PARP1: variants seen among roughly 807,000 people sequenced by gnomAD.
PARP1 encodes poly [ADP-ribose] polymerase 1.
In PARP1, 44 loss-of-function variants were observed where a neutral mutation model predicts 118.7. That is an observed-to-expected ratio of 0.37 (90% CI 0.29 to 0.48). The LOEUF (loss-of-function observed/expected upper bound fraction) is 0.48. Ranked by LOEUF, PARP1 falls within the 20% of genes least tolerant of loss-of-function variation. The pLI, the probability that PARP1 is intolerant of heterozygous loss-of-function variation, is 0.99. For synonymous variants in PARP1, 492 were observed against 483.2 expected (o/e 1.02, Z -0.24); for missense variants, 1,100 against 1,272.4 (o/e 0.86, Z 2.06).
At chr1:226,406,116 T>C (rs1665141518) in intron 1 of PARP1, among the ~76,000 whole-genome samples, 1 of 152,170 alleles carries the variant, frequency 6.6e-6, no homozygotes, top group Non-Finnish European at 1.5e-5. Context: ...GAGTAAATTA[T>C]ATTTTGAAAA....
intron 9 of PARP1, among the ~76,000 whole-genome samples, chr1:226,380,488 T>A (rs1012963192): frequency 2.0e-5 from 3 of 152,222 alleles, no homozygotes; most frequent in Non-Finnish European, 4.4e-5. Context: ...ACAGTGGTAA[T>A]CAGCATAATA....
At chr1:226,394,144 T>A (rs1576401198) in intron 2 of PARP1, among the ~76,000 whole-genome samples, 1 of 151,404 alleles carries the variant, frequency 6.6e-6, no homozygotes, top group Admixed American at 6.6e-5. Context: ...AGCCCAGGAG[T>A]TCAAGACCAG....
In PARP1 at chr1:226,381,171, C is replaced by A. The variant is rs1490848576; in HGVS notation, c.1197G>T (p.Gly399=). 1 of 1,614,030 alleles carries A rather than the reference C, an allele frequency of 6.2e-7. No homozygotes were observed. The highest frequency in any genetic ancestry group is 8.5e-7 in the Non-Finnish European group (1 of 1,180,018). ...CTTCATCCTTGTTCCGGGACAGCTT[C>A]CCGAGAGTCAGGATCTTCATGTTGG... ...PLSNMKILTL[G]KLSRNKDEVK... The change falls in exon 9 of 23, where the codon GGG becomes GGT. Residue 399 remains glycine (G), a synonymous_variant. Transcript: ENST00000366794.
At chr1:226,400,074 C>T (rs1257048284) in intron 2 of PARP1, among the ~76,000 whole-genome samples, 1 of 152,070 alleles carries the variant, frequency 6.6e-6, no homozygotes, top group Non-Finnish European at 1.5e-5. Flanking sequence ...TTTAAAAGGA[C>T]CCCAAAATAC....
intron 6 of PARP1, 31 bp from the exon 7 acceptor site, chr1:226,385,711 C>G (rs1335126311): frequency 6.3e-7 from 1 of 1,598,850 alleles, no homozygotes; most frequent in South Asian, 1.1e-5. Context: ...TGTCAGAGGG[C>G]AAATGCGGGA....
chr1:226,383,484 C>T (rs538845631), intron 7 of PARP1, among the ~76,000 whole-genome samples: 1 of 152,176 alleles, frequency 6.6e-6, no homozygotes, highest in Non-Finnish European at 1.5e-5. Flanking sequence ...GGTCAGGGAA[C>T]CACCACTGGA....
intron 19 of PARP1, 147 bp from the exon 20 acceptor site, chr1:226,364,217 C>A: frequency 3.8e-6 from 3 of 791,300 alleles, no homozygotes; most frequent in Admixed American, 1.9e-5. Flanking sequence ...TGAGGAAATA[C>A]CAAAGTTTTA....
Position 226,388,768 on chromosome 1 carries a change from C to A in PARP1, c.618-13G>T, listed in dbSNP as rs192270493. 4.4e-6 allele frequency: 7 copies of A among 1,600,024 alleles called. 1 individual carries two copies. In the Admixed American group the frequency reaches 1.2e-4, roughly 27 times the overall value. On this transcript the variant is annotated splice_polypyrimidine_tract_variant and intron_variant, in intron 4 of 22. Coordinates refer to ENST00000366794, the MANE Select transcript of PARP1 (RefSeq NM_001618.4). ...GCCTTTTCTCTTTCTGAAGGAGACA[C>A]AGGATATGAGAGACAGCCAGAGCCA...
intron 2 of PARP1, among the ~76,000 whole-genome samples, chr1:226,396,155 G>A (rs1018331922): frequency 6.6e-6 from 1 of 152,130 alleles, no homozygotes; most frequent in African/African-American, 2.4e-5. Context: ...AGACCAGCCT[G>A]GCCAACACAG....
chr1:226,400,627 C>T (rs1223505831), intron 2 of PARP1, among the ~76,000 whole-genome samples: 1 of 152,184 alleles, frequency 6.6e-6, no homozygotes, highest in Non-Finnish European at 1.5e-5. Context: ...CAGTAACAAA[C>T]ACAGCACTGT....
rs1287873689 is a variant in PARP1 at position 226,368,304 on chromosome 1, G to A, written c.2172C>T (p.Ser724=). ...AGAGATCCAGGATCTGAGAGTCGCT[G>A]CTGCCCTGAGACACCGCCTGGAGAG... ...SEVQQAVSQG[S]SDSQILDLSN... is the part of the protein sequence containing the mutation. The change falls in exon 16 of 23, where the codon AGC becomes AGT. Residue 724 remains serine (S), a synonymous_variant. Transcript: ENST00000366794. The A allele has an allele frequency of 1.9e-6, 3 of 1,614,216 alleles. No individual in the cohort carries two copies. Among genetic ancestry groups the A allele is most frequent in the East Asian group, 2.2e-5 (1 of 44,894 alleles).
chr1:226,378,476 C>T (rs796695476), intron 12 of PARP1, among the ~76,000 whole-genome samples: 24 of 151,712 alleles, frequency 1.6e-4, no homozygotes, highest in African/African-American at 5.1e-4. Context: ...GTAAGTTCAA[C>T]GCTTGCCAAC....
intron 13 of PARP1, 127 bp downstream of exon 13, chr1:226,376,981 T>C: frequency 1.1e-6 from 1 of 879,810 alleles, no homozygotes; most frequent in Non-Finnish European, 1.9e-6. Context: ...GAAGGACTAT[T>C]ATTCTCCTTT....
chr1:226,364,236 G>A, intron 19 of PARP1, 166 bp from the exon 20 acceptor site: 3 of 676,052 alleles, frequency 4.4e-6, no homozygotes, highest in Middle Eastern at 3.6e-4. Context: ...TAGCTCACAA[G>A]CCAGGCTGTC....
chr1:226,399,284 C>T lies in PARP1; in HGVS notation c.286+2930G>A, dbSNP rs183704894. Among the ~76,000 whole-genome samples the T allele has an allele frequency of 5.3e-5, 8 of 152,020 alleles. No individual in the cohort carries two copies. In the East Asian group the frequency reaches 1.6e-3, roughly 29 times the overall value. On this transcript the variant is annotated intron_variant, in intron 2 of 22. Transcript: ENST00000366794. ...ACAGGGTTTCACCATATTGGCCAGG[C>T]TGGTCTCGAACTCCTGACCTCGTAA...
chr1:226,368,573 T>C (rs1366061465), intron 15 of PARP1, among the ~76,000 whole-genome samples: 1 of 152,196 alleles, frequency 6.6e-6, no homozygotes, highest in Non-Finnish European at 1.5e-5. Flanking sequence ...TACAAAGAAC[T>C]GTGCAGTTAC....
chr1:226,402,458 C>T (rs895093857), intron 1 of PARP1, 79 bp from the exon 2 acceptor site: 17 of 1,366,588 alleles, frequency 1.2e-5, no homozygotes, highest in East Asian at 2.5e-5. Flanking sequence ...ACCTTGACCT[C>T]GACCCCAGTC....
intron 1 of PARP1, among the ~76,000 whole-genome samples, chr1:226,403,740 C>T (rs191234384): frequency 6.6e-6 from 1 of 152,314 alleles, no homozygotes; most frequent in Non-Finnish European, 1.5e-5. Flanking sequence ...GGAAGAGCTA[C>T]TTAAAAATAC....
At chr1:226,378,403 T>C (rs1664535462) in intron 12 of PARP1, among the ~76,000 whole-genome samples, 1 of 143,080 alleles carries the variant, frequency 7.0e-6, no homozygotes, top group Non-Finnish European at 1.6e-5. Context: ...TGTCTCACCA[T>C]GTTAAAAAAA....
Sources: allele counts gnomAD v4.1 joint callset (sites outside exome capture counted in the v4.1 genomes callset), GRCh38; gene constraint gnomAD v4.1.1; transcripts MANE v1.5; gene names NCBI Gene and HGNC (gene_info 2026-07-23, HGNC 2026-07-21).